COL24A1: variants seen among roughly 807,000 people sequenced by gnomAD.
COL24A1 encodes collagen alpha-1(XXIV) chain.
COL24A1 carries 224 observed loss-of-function variants against 253.9 expected under a neutral mutation model. The observed-to-expected ratio is 0.88, with a 90% CI of 0.79 to 0.99. The LOEUF is 0.99. Among genes scored for constraint, COL24A1 ranks in the 50% least tolerant of loss-of-function variants. The probability of loss-of-function intolerance (pLI) is 0.00; values close to 1 mark genes in which losing one functional copy is unlikely to be tolerated. For synonymous variants in COL24A1, 685 were observed against 673.7 expected, an observed-to-expected ratio of 1.02 and a Z score of -0.26; for missense variants, 2,131 against 2,068.5, an observed-to-expected ratio of 1.03 and a Z score of -0.59.
Position 86,126,087 on chromosome 1 carries a change from A to C in COL24A1, c.249T>G (p.Ile83Met). ...QGVHLTESGV[I>M]FKNDAYIETP... The stretch of plus-strand genomic sequence containing the variant: ...TCTCGATATAAGCATCATTTTTAAA[A>C]ATGACTCCTGATTCTGTTAAATGGA... The change falls in exon 3 of 60, where the codon ATT becomes ATG. Residue 83 changes from isoleucine to methionine, a missense_variant. By Grantham distance (10) the Ile-to-Met change is conservative (BLOSUM62 1). Coordinates refer to ENST00000370571, the MANE Select transcript of COL24A1 (RefSeq NM_152890.7). 1 of 1,613,558 alleles carries C rather than the reference A, an allele frequency of 6.2e-7. No individual in the cohort carries two copies. The highest frequency in any genetic ancestry group is 1.3e-5 in the African/African-American group (1 of 75,000).
chr1:85,982,909 T>G (rs472286), intron 20 of COL24A1, among the ~76,000 whole-genome samples: 97,762 of 151,752 alleles, frequency 0.64, 31,867 homozygotes, highest in Admixed American at 0.71. Flanking sequence ...TAAAATCCTG[T>G]TATAGTATAT....
At chr1:86,146,776 A>G (rs924802679) in intron 1 of COL24A1, among the ~76,000 whole-genome samples, 23 of 152,048 alleles carry the variant, frequency 1.5e-4, no homozygotes, top group African/African-American at 5.5e-4. Flanking sequence ...GTCAACATTG[A>G]GCATTTTGAT....
intron 59 of COL24A1, among the ~76,000 whole-genome samples, chr1:85,730,983 C>A (rs1366709255): frequency 6.6e-6 from 1 of 152,216 alleles, no homozygotes; most frequent in Non-Finnish European, 1.5e-5. Flanking sequence ...AATTAAAAGG[C>A]TGCAATACTC....
chr1:85,789,593 T>A (rs967521135), intron 47 of COL24A1, among the ~76,000 whole-genome samples: 1 of 152,156 alleles, frequency 6.6e-6, no homozygotes, highest in Admixed American at 6.6e-5. Flanking sequence ...CTATGTTGAA[T>A]AGGAGTGAGG....
chr1:85,898,014 A>G (rs922185808), intron 28 of COL24A1, among the ~76,000 whole-genome samples: 4 of 152,220 alleles, frequency 2.6e-5, no homozygotes, highest in Middle Eastern at 3.2e-3. Context: ...AAAAAAATAT[A>G]GAGGCATGAA....
chr1:85,744,701 T>C lies in COL24A1; in HGVS notation c.4637A>G (p.Lys1546Arg). ...GTRDNPARIC[K>R]DLLNCEQKVS... ...TTTTTGTTCACAGTTAAGTAAATCT[T>C]TGCAGATTCGTGCTGGGTTATCTCG... The change falls in exon 57 of 60, where the codon AAA becomes AGA. Residue 1546 changes from lysine to arginine, a missense_variant. Lys to Arg is a conservative substitution (Grantham distance 26). Transcript: ENST00000370571. 6.2e-7 allele frequency: 1 copy of C among 1,609,564 alleles called. No individual in the cohort carries two copies. Among genetic ancestry groups the C allele is most frequent in the Non-Finnish European group, 8.5e-7 (1 of 1,178,520 alleles).
At chr1:85,833,916 T>C (rs1409275860) in intron 43 of COL24A1, among the ~76,000 whole-genome samples, 5 of 125,828 alleles carry the variant, frequency 4.0e-5, no homozygotes, top group African/African-American at 1.6e-4. Flanking sequence ...AATTGAACAA[T>C]GAGAACACTG....
intron 12 of COL24A1, 69 bp downstream of exon 12, chr1:86,046,756 A>T (rs1699931983): frequency 1.3e-6 from 2 of 1,553,952 alleles, no homozygotes; most frequent in African/African-American, 2.8e-5. Context: ...TTCACATTTT[A>T]ATAAGTAAGA....
chr1:86,125,740 G>T lies in COL24A1; in HGVS notation c.596C>A (p.Ser199Tyr), dbSNP rs1427705964. ...ETIPEVQTFD[S>Y]NSVFTLGSMN... The stretch of plus-strand genomic sequence containing the variant: ...ACTTCCTAAAGTAAACACACTATTA[G>T]AATCAAAGGTCTGAACTTCTGGAAT... The change falls in exon 3 of 60, where the codon TCT (serine) becomes TAT (tyrosine). Residue 199 changes from serine (S) to tyrosine (Y), a missense_variant. Coordinates refer to ENST00000370571, the MANE Select transcript of COL24A1 (RefSeq NM_152890.7). The T allele has an allele frequency of 6.2e-7, 1 of 1,610,882 alleles. No homozygotes were observed. The highest frequency in any genetic ancestry group is 1.7e-5 in the Admixed American group (1 of 59,572).
intron 55 of COL24A1, among the ~76,000 whole-genome samples, chr1:85,747,924 A>G (rs1222972307): frequency 6.6e-6 from 1 of 152,218 alleles, no homozygotes; most frequent in African/African-American, 2.4e-5. Context: ...TTAACATAAT[A>G]TATTGATCAT....
chr1:86,132,179 G>A (rs1316524110), intron 2 of COL24A1, among the ~76,000 whole-genome samples: 1 of 152,118 alleles, frequency 6.6e-6, no homozygotes, highest in Non-Finnish European at 1.5e-5. Flanking sequence ...AGAAGTGTCT[G>A]CTCATATCCT....
At chr1:86,091,413 A>T (rs1703481291) in intron 6 of COL24A1, among the ~76,000 whole-genome samples, 1 of 152,034 alleles carries the variant, frequency 6.6e-6, no homozygotes, top group Non-Finnish European at 1.5e-5. Context: ...AAACTTTATG[A>T]TAGTTTCTGT....
intron 19 of COL24A1, among the ~76,000 whole-genome samples, chr1:85,995,250 A>C (rs2100999790): frequency 6.6e-6 from 1 of 152,000 alleles, no homozygotes; most frequent in South Asian, 2.1e-4. Context: ...CAGCTAATTA[A>C]AAAAATTTTT....
intron 5 of COL24A1, among the ~76,000 whole-genome samples, chr1:86,104,492 T>C (rs2102070299): frequency 6.6e-6 from 1 of 152,352 alleles, no homozygotes; most frequent in East Asian, 1.9e-4. Context: ...TGGTTCTTTC[T>C]CATCTTTGTG....
rs762851721 is a variant in COL24A1 at position 85,908,631 on chromosome 1, C to A, written c.2691G>T (p.Gly897=). ...KGVMGYPGPP[G]VPGPIGPLGL... ...CCAATGGACCGATAGGTCCTGGAAC[C>A]CCAGGAGGACCTGGATATCCCTATA... Residue 897 remains glycine, a synonymous_variant, in exon 27 of 60, where the codon GGG becomes GGT. Coordinates refer to ENST00000370571, the MANE Select transcript of COL24A1 (RefSeq NM_152890.7). 2 of 1,450,312 alleles carry A rather than the reference C, an allele frequency of 1.4e-6. No homozygotes were observed. The highest frequency in any genetic ancestry group is 2.2e-5 in the Admixed American group (1 of 45,094). The allele number at this position is 1,450,312 out of a possible 1,614,324, so 89.8% of individuals were successfully genotyped here.
At chr1:85,865,276 T>G (rs924315888) in intron 37 of COL24A1, among the ~76,000 whole-genome samples, 1 of 152,152 alleles carries the variant, frequency 6.6e-6, no homozygotes. Context: ...CAAAAATAAA[T>G]CCAGCATTAG....
At chr1:85,922,745 A>T (rs1686671448) in intron 24 of COL24A1, among the ~76,000 whole-genome samples, 1 of 152,242 alleles carries the variant, frequency 6.6e-6, no homozygotes, top group African/African-American at 2.4e-5. Context: ...AATGCTAGGA[A>T]GAAACTGCAT....
chr1:85,948,441 G>A (rs1254176575), intron 24 of COL24A1, among the ~76,000 whole-genome samples: 24 of 147,090 alleles, frequency 1.6e-4, no homozygotes, highest in Non-Finnish European at 3.0e-4. Flanking sequence ...GGAGAATGGC[G>A]TGAACCCGGG....
chr1:85,959,931 G>C (rs938481031), intron 24 of COL24A1, among the ~76,000 whole-genome samples: 2 of 152,100 alleles, frequency 1.3e-5, no homozygotes, highest in Non-Finnish European at 2.9e-5. Flanking sequence ...AGTAATCTTA[G>C]AGAAATATGT....
Sources: allele counts gnomAD v4.1 joint callset (sites outside exome capture counted in the v4.1 genomes callset), GRCh38; gene constraint gnomAD v4.1.1; transcripts MANE v1.5; gene names NCBI Gene and HGNC (gene_info 2026-07-23, HGNC 2026-07-21).